Variants in FOXN2 observed in about 807,000 individuals in gnomAD.
FOXN2 encodes the protein forkhead box protein N2.
FOXN2 carries 19 observed loss-of-function variants against 41.2 expected under a neutral mutation model. The ratio of observed to expected loss-of-function variants is 0.46; its 90% CI spans 0.32 to 0.68. The LOEUF is 0.68. Ranked by LOEUF, FOXN2 falls within the 30% of genes least tolerant of loss-of-function variation. The pLI, the probability that FOXN2 is intolerant of heterozygous loss-of-function variation, is 0.03. For synonymous variants in FOXN2, 195 were observed against 176.8 expected, an observed-to-expected ratio of 1.10 and a Z score of -0.82; for missense variants, 587 against 509.4, an observed-to-expected ratio of 1.15 and a Z score of -1.47.
chr2:48,337,771 C>T (rs968480361), intron 2 of FOXN2, among the ~76,000 whole-genome samples: 3 of 151,988 alleles, frequency 2.0e-5, no homozygotes, highest in Admixed American at 6.5e-5. Context: ...GCTAATTTGG[C>T]AGGAATATAT....
intron 1 of FOXN2, among the ~76,000 whole-genome samples, chr2:48,318,103 C>A (rs1045994317): frequency 2.0e-5 from 3 of 152,134 alleles, no homozygotes; most frequent in African/African-American, 7.2e-5. Context: ...TTTATAGTTA[C>A]AGAAAAGTTG....
chr2:48,339,698 C>T (rs1670612224), intron 2 of FOXN2, among the ~76,000 whole-genome samples: 1 of 152,140 alleles, frequency 6.6e-6, no homozygotes, highest in African/African-American at 2.4e-5. Context: ...TTTTGGTAAG[C>T]AGTTTGTCAT....
intron 2 of FOXN2, among the ~76,000 whole-genome samples, chr2:48,339,886 A>G (rs1258249005): frequency 6.6e-6 from 1 of 152,232 alleles, no homozygotes; most frequent in East Asian, 1.9e-4. Flanking sequence ...AATGTTCCTT[A>G]AAAGTATAAG....
intron 3 of FOXN2, among the ~76,000 whole-genome samples, chr2:48,348,789 A>G (rs1238462239): frequency 6.6e-6 from 1 of 152,240 alleles, no homozygotes; most frequent in Non-Finnish European, 1.5e-5. Context: ...GGAGCAATAG[A>G]TGACTTTTTT....
At chr2:48,362,505 G>A in intron 4 of FOXN2, 138 bp from the exon 5 acceptor site, 1 of 676,930 alleles carries the variant, frequency 1.5e-6, no homozygotes, top group Non-Finnish European at 2.6e-6. Flanking sequence ...GAAAGTCAAG[G>A]CTGCAGTAGG....
chr2:48,325,466 G>A (rs1250072366), intron 1 of FOXN2, among the ~76,000 whole-genome samples: 1 of 152,148 alleles, frequency 6.6e-6, no homozygotes, highest in African/African-American at 2.4e-5. Context: ...GGAATATAAT[G>A]TGAGTGTATG....
intron 4 of FOXN2, among the ~76,000 whole-genome samples, chr2:48,360,311 T>C (rs928450319): frequency 6.6e-6 from 1 of 152,186 alleles, no homozygotes; most frequent in Non-Finnish European, 1.5e-5. Flanking sequence ...TAACTTGTTT[T>C]TTGAAAAATT....
chr2:48,358,593 AAG>A (rs1266844390), intron 3 of FOXN2, among the ~76,000 whole-genome samples: 1 of 152,240 alleles, frequency 6.6e-6, no homozygotes, highest in African/African-American at 2.4e-5. Flanking sequence ...TACCTTGAAA[AAG>A]AGTGTGGGAA....
In FOXN2 at chr2:48,373,433, A is replaced by C. The variant is rs1673038001; in HGVS notation, c.772+73A>C. On this transcript the variant is annotated intron_variant, in intron 6 of 6. Transcript: ENST00000340553. ...ATTTAACCTAGACTATAAAATAACT[A>C]TTACAGACAAAAATTACTTCTTTCC... The C allele has an allele frequency of 8.3e-6, 7 of 845,652 alleles. No individual in the cohort carries two copies. The South Asian group carries it at 1.1e-4, about 13-fold the overall frequency. The allele number at this position is 845,652 out of a possible 1,614,324, so 52.4% of individuals were successfully genotyped here.
In FOXN2 at chr2:48,346,261, C is replaced by CA. The variant is rs1215463713; in HGVS notation, c.48dup (p.Gly17ArgfsTer3). The CA allele has an allele frequency of 3.1e-6, 5 of 1,613,738 alleles. No homozygotes were observed. Among genetic ancestry groups the CA allele is most frequent in the Non-Finnish European group, 3.4e-6 (4 of 1,179,944 alleles). The stretch of plus-strand genomic sequence containing the variant: ...ACTCCAGATAAGAGAGCTGAAACCC[C>CA]AGGAGCTGAAAAGATTGCAGGATTA... On this transcript the variant is annotated frameshift_variant, in exon 3 of 7. Coordinates refer to ENST00000340553, the MANE Select transcript of FOXN2 (RefSeq NM_002158.4). LOFTEE classifies it high-confidence loss of function.
intron 1 of FOXN2, among the ~76,000 whole-genome samples, chr2:48,319,795 T>G: frequency 7.0e-6 from 1 of 143,324 alleles, no homozygotes; most frequent in East Asian, 2.0e-4. Flanking sequence ...ATTTTTTTTT[T>G]TTTTTTTTTT....
At chr2:48,329,925 A>C (rs978800417) in intron 2 of FOXN2, among the ~76,000 whole-genome samples, 1 of 151,944 alleles carries the variant, frequency 6.6e-6, no homozygotes, top group African/African-American at 2.4e-5. Context: ...TGTTAGGTTT[A>C]TTACACAGTG....
intron 1 of FOXN2, among the ~76,000 whole-genome samples, chr2:48,316,690 G>C (rs185486485): frequency 1.3e-5 from 2 of 152,262 alleles, no homozygotes; most frequent in Non-Finnish European, 2.9e-5. Flanking sequence ...GATAAAAAAT[G>C]AACTTTTGGA....
chr2:48,364,553 C>T (rs6707607), intron 5 of FOXN2, among the ~76,000 whole-genome samples: 4,519 of 152,120 alleles, frequency 0.03, 217 homozygotes, highest in African/African-American at 0.1. Context: ...TTTTATATCC[C>T]TTTTCCATTT....
At chr2:48,362,728 A>C (rs1461659854) in intron 5 of FOXN2, 21 bp downstream of exon 5, 1 of 1,590,060 alleles carries the variant, frequency 6.3e-7, no homozygotes, top group African/African-American at 1.3e-5. Context: ...ATATCAGTAC[A>C]GTCATGCACC....
intron 3 of FOXN2, among the ~76,000 whole-genome samples, chr2:48,358,717 AT>A (rs1362782057): frequency 1.3e-5 from 2 of 152,292 alleles, no homozygotes; most frequent in African/African-American, 4.8e-5. Context: ...AAACAAGTAA[AT>A]TTTGTTGTTA....
Position 48,329,432 on chromosome 2 carries a change from T to C in FOXN2, c.-15+730T>C, listed in dbSNP as rs568653113. Among the ~76,000 whole-genome samples the C allele has an allele frequency of 2.0e-5, 3 of 152,266 alleles. No individual in the cohort carries two copies. The East Asian group carries it at 5.8e-4, about 29-fold the overall frequency. On this transcript the variant is annotated intron_variant, in intron 2 of 6. Coordinates refer to ENST00000340553, the MANE Select transcript of FOXN2 (RefSeq NM_002158.4). The stretch of plus-strand genomic sequence containing the variant: ...GAGAAGGTTTTCCCCCCACTCACTT[T>C]TATTTCATTTTTTACTCTCATTTGA...
chr2:48,352,113 A>G (rs1671487927), intron 3 of FOXN2, among the ~76,000 whole-genome samples: 1 of 152,162 alleles, frequency 6.6e-6, no homozygotes, highest in African/African-American at 2.4e-5. Flanking sequence ...TTAAGCCAGG[A>G]GCATGATGGA....
At position 48,360,790 on chromosome 2, in the gene FOXN2, GT is replaced by G. The variant is rs757595172; in HGVS notation, c.638+1658del. On this transcript the variant is annotated intron_variant, in intron 4 of 6. Coordinates refer to ENST00000340553, the MANE Select transcript of FOXN2 (RefSeq NM_002158.4). ...TATGTGTTTTACTTAGCTGTGTTGG[GT>G]TTTTTTTTTTTTTTGCTGAAGATTA... Among the ~76,000 whole-genome samples the G allele has an allele frequency of 3.5e-3, 481 of 136,498 alleles. 7 individuals carry two copies. Among genetic ancestry groups the G allele is most frequent in the East Asian group, 0.019 (90 of 4,828 alleles). The allele number at this position is 136,498 out of a possible 152,430, so 89.5% of individuals were successfully genotyped here.
Sources: allele counts gnomAD v4.1 joint callset (sites outside exome capture counted in the v4.1 genomes callset), GRCh38; gene constraint gnomAD v4.1.1; transcripts MANE v1.5; gene names NCBI Gene and HGNC (gene_info 2026-07-23, HGNC 2026-07-21).